Variants in CAMTA1 observed in about 807,000 individuals in gnomAD.
The protein encoded by CAMTA1 is calmodulin-binding transcription activator 1.
Under a neutral mutation model 170.9 loss-of-function variants are expected in CAMTA1, and 27 were observed. The observed-to-expected ratio is 0.16, with a 90% CI of 0.12 to 0.22. The LOEUF is 0.22. Ranked by LOEUF, CAMTA1 falls within the 10% of genes least tolerant of loss-of-function variation. The probability of loss-of-function intolerance (pLI) is 1.00; values close to 1 mark genes in which losing one functional copy is unlikely to be tolerated. For missense variants in CAMTA1, 1,619 were observed against 2,217.2 expected, an observed-to-expected ratio of 0.73 and a Z score of 5.42; for synonymous variants, 833 against 891.5, an observed-to-expected ratio of 0.93 and a Z score of 1.17.
intron 17 of CAMTA1, among the ~76,000 whole-genome samples, 200 bp downstream of exon 17, chr1:7,745,222 C>G (rs1293080901): frequency 6.6e-6 from 1 of 152,066 alleles, no homozygotes; most frequent in Non-Finnish European, 1.5e-5. Flanking sequence ...TTACTGCTAT[C>G]AGAGCATAAG....
chr1:6,917,333 G>T (rs56358633), intron 3 of CAMTA1, among the ~76,000 whole-genome samples: 3 of 152,116 alleles, frequency 2.0e-5, no homozygotes, highest in African/African-American at 7.2e-5. Context: ...TAAATGAAGT[G>T]CCGTGGAGGG....
At chr1:6,862,337 T>C (rs1665033515) in intron 3 of CAMTA1, among the ~76,000 whole-genome samples, 1 of 152,212 alleles carries the variant, frequency 6.6e-6, no homozygotes, top group African/African-American at 2.4e-5. Context: ...GGTTCGTCCA[T>C]GTTGGAGCAT....
chr1:7,240,226 C>G (rs1183156141), intron 4 of CAMTA1, among the ~76,000 whole-genome samples: 1 of 152,098 alleles, frequency 6.6e-6, no homozygotes. Flanking sequence ...GGCTGGAGTA[C>G]TTTTATAGAG....
chr1:6,954,651 G>C (rs1029451209), intron 3 of CAMTA1, among the ~76,000 whole-genome samples: 1 of 152,198 alleles, frequency 6.6e-6, no homozygotes, highest in Non-Finnish European at 1.5e-5. Context: ...TCTTGCTCAA[G>C]GCCACACAGG....
intron 5 of CAMTA1, among the ~76,000 whole-genome samples, chr1:7,379,865 G>A (rs1451860269): frequency 6.6e-6 from 1 of 152,196 alleles, no homozygotes; most frequent in East Asian, 1.9e-4. Context: ...TCAGCGAACC[G>A]ACAAAGCCTG....
At chr1:7,623,570 T>C (rs964865050) in intron 6 of CAMTA1, among the ~76,000 whole-genome samples, 4 of 152,202 alleles carry the variant, frequency 2.6e-5, no homozygotes. Context: ...AGTTGGAAAT[T>C]TGACTGCAAC....
Position 7,738,166 on chromosome 1 carries a change from C to T in CAMTA1, c.3866C>T (p.Pro1289Leu), listed in dbSNP as rs765927168. The change falls in exon 16 of 23, where the codon CCC (proline) becomes CTC (leucine). Residue 1289 changes from proline (P) to leucine (L), a missense_variant. Physicochemically the swap from Pro to Leu is moderately conservative, Grantham distance 98. This residue lies in a region of CAMTA1 where 370 missense variants were observed against 429.4 expected (regional missense o/e 0.86). Coordinates refer to ENST00000303635, the MANE Select transcript of CAMTA1 (RefSeq NM_015215.4). The surrounding 1 kb of genome is among the most constrained non-coding windows in gnomAD (Gnocchi z 4.9). ...CAGTCTGTCCCCGAGACACTCAGCC[C>T]CAGTGAAGGAGTGAGGGACTTCAGC... ...SKQSVPETLS[P>L]SEGVRDFSRE... 1 of 1,614,074 alleles carries T rather than the reference C, an allele frequency of 6.2e-7. No individual in the cohort carries two copies. Among genetic ancestry groups the T allele is most frequent in the South Asian group, 1.1e-5 (1 of 91,072 alleles).
At position 6,787,524 on chromosome 1, in the gene CAMTA1, G is replaced by A. The variant is rs553418939; in HGVS notation, c.45+1949G>A. 2.6e-5 allele frequency among the ~76,000 whole-genome samples: 4 copies of A among 152,342 alleles called. No individual in the cohort carries two copies. The East Asian group carries it at 7.7e-4, about 29-fold the overall frequency. On this transcript the variant is annotated intron_variant, in intron 1 of 22. Coordinates refer to ENST00000303635, the MANE Select transcript of CAMTA1 (RefSeq NM_015215.4). ...AAATCACATTCATTACATATACAGT[G>A]CACAGGAAGTTGGAAGGGTCAGATG...
intron 3 of CAMTA1, among the ~76,000 whole-genome samples, chr1:6,879,613 C>CTTTTT (rs58610375): frequency 1.5e-5 from 2 of 132,866 alleles, no homozygotes; most frequent in South Asian, 2.5e-4. Context: ...TTCCTTTTTT[C>CTTTTT]TTTTTTTTTT....
intron 3 of CAMTA1, among the ~76,000 whole-genome samples, chr1:7,029,124 A>G (rs1296154082): frequency 6.6e-6 from 1 of 152,182 alleles, no homozygotes; most frequent in Non-Finnish European, 1.5e-5. Context: ...CAAGGATTAT[A>G]GTTTGAGTAT....
At chr1:6,925,501 A>G (rs1682912060) in intron 3 of CAMTA1, among the ~76,000 whole-genome samples, 1 of 152,126 alleles carries the variant, frequency 6.6e-6, no homozygotes, top group African/African-American at 2.4e-5. Context: ...ACCTGTGTTG[A>G]GGCTGTGCTC....
chr1:7,529,107 C>T (rs1044010021), intron 6 of CAMTA1, among the ~76,000 whole-genome samples: 2 of 152,144 alleles, frequency 1.3e-5, no homozygotes, highest in African/African-American at 4.8e-5. Context: ...GCCCATCCCA[C>T]GGGTCTGTTG....
intron 5 of CAMTA1, among the ~76,000 whole-genome samples, chr1:7,369,840 A>G (rs2086301405): frequency 6.6e-6 from 1 of 152,156 alleles, no homozygotes; most frequent in South Asian, 2.1e-4. Context: ...TCACCTGATC[A>G]GTCCCCTCCT....
In CAMTA1 at chr1:7,246,670, C is replaced by CTTTTTTTTTTTTT. The variant is rs34382670; in HGVS notation, c.303-2811_303-2799dup. Among the ~76,000 whole-genome samples the CTTTTTTTTTTTTT allele has an allele frequency of 1.2e-4, 9 of 73,924 alleles. 1 individual carries two copies. The highest frequency in any genetic ancestry group is 2.4e-4 in the African/African-American group (4 of 16,544). 48.5% of individuals were successfully genotyped at this position (73,924 alleles called of 152,430 possible). A position where few individuals can be genotyped will look rare whatever the true frequency, so the allele number is the denominator to read the frequency against. ...ATCCCTTCCCACCAGCTCTGACCTG[C>CTTTTTTTTTTTTT]TTTTTTTTTTTTTTTTTTTTTTGAC... On this transcript the variant is annotated intron_variant, in intron 4 of 22. Transcript: ENST00000303635.
rs539800753 is a variant in CAMTA1 at position 7,547,793 on chromosome 1, A to G, written c.510+79892A>G. ...TATTCTTCCAACATAATCTCCCTGT[A>G]CACAACCAGTCTCACATCTCTGCCA... On this transcript the variant is annotated intron_variant, in intron 6 of 22. Transcript: ENST00000303635. The surrounding 1 kb of genome is among the most constrained non-coding windows in gnomAD (Gnocchi z 5.7). 5.3e-5 allele frequency among the ~76,000 whole-genome samples: 8 copies of G among 151,982 alleles called. 1 individual carries two copies. The East Asian group carries it at 9.7e-4, about 18-fold the overall frequency.
chr1:7,702,708 T>C (rs1006411272), intron 11 of CAMTA1, among the ~76,000 whole-genome samples: 1 of 152,188 alleles, frequency 6.6e-6, no homozygotes, highest in Non-Finnish European at 1.5e-5. Context: ...TAATGTATGA[T>C]GGACATATGG....
At chr1:6,986,679 G>A (rs919145389) in intron 3 of CAMTA1, among the ~76,000 whole-genome samples, 2 of 152,066 alleles carry the variant, frequency 1.3e-5, no homozygotes, top group African/African-American at 4.8e-5. Flanking sequence ...AACCCGGGGA[G>A]GCTTCCTGGA....
In CAMTA1 at chr1:7,400,903, T is replaced by A. The variant is rs1384480247; in HGVS notation, c.439-66927T>A. On this transcript the variant is annotated intron_variant, in intron 5 of 22. Coordinates refer to ENST00000303635, the MANE Select transcript of CAMTA1 (RefSeq NM_015215.4). ...TCAAGAGTTCTTTATATATTCTAGA[T>A]ACAAGTCATTTATCATTATGTGATT... Among the ~76,000 whole-genome samples, 3 of 152,240 alleles carry A rather than the reference T, an allele frequency of 2.0e-5. No homozygotes were observed. In the East Asian group the frequency reaches 5.8e-4, roughly 29 times the overall value.
chr1:7,622,905 G>A (rs553780958), intron 6 of CAMTA1, among the ~76,000 whole-genome samples: 5 of 152,342 alleles, frequency 3.3e-5, no homozygotes, highest in Non-Finnish European at 5.9e-5. Context: ...TTGTTTCACG[G>A]CTGTTTTCCT....
Sources: gnomAD v4.1 joint callset for allele counts (sites outside exome capture counted in the v4.1 genomes callset) on GRCh38, gnomAD v4.1.1 for gene constraint, gnomAD v4.1.1 regional missense constraint, Gnocchi (gnomAD v3.1) non-coding constraint, MANE v1.5 for transcripts, NCBI Gene and HGNC (gene_info 2026-07-23, HGNC 2026-07-21) for gene names.